FSIP1: variants seen among roughly 807,000 people sequenced by gnomAD.
The protein encoded by FSIP1 is fibrous sheath-interacting protein 1.
A neutral mutation model predicts 60.9 loss-of-function variants in FSIP1; 65 were observed. The ratio of observed to expected loss-of-function variants is 1.07; its 90% confidence interval spans 0.87 to 1.31. The LOEUF (loss-of-function observed/expected upper bound fraction) is 1.31. Ranked by LOEUF, FSIP1 falls within the 40% of genes most tolerant of loss-of-function variation. The pLI is 0.00. For synonymous variants in FSIP1, 209 were observed against 221.2 expected (o/e 0.94, Z 0.49); for missense variants, 675 against 665.5 (o/e 1.01, Z -0.16).
At chr15:39,713,637 T>C in intron 9 of FSIP1, 56 bp from the exon 10 acceptor site, 2 of 1,520,106 alleles carry the variant, frequency 1.3e-6, no homozygotes, top group Non-Finnish European at 1.8e-6. Flanking sequence ...TGCTGTCACA[T>C]ACCACCTCAA....
At chr15:39,745,106 C>A (rs1379953741) in intron 5 of FSIP1, among the ~76,000 whole-genome samples, 2 of 135,940 alleles carry the variant, frequency 1.5e-5, no homozygotes, top group Admixed American at 1.5e-4. Context: ...GCCCCCCACC[C>A]CGCCATCCCC....
At chr15:39,724,446 G>T (rs1242489542) in intron 9 of FSIP1, among the ~76,000 whole-genome samples, 1 of 151,942 alleles carries the variant, frequency 6.6e-6, no homozygotes, top group Non-Finnish European at 1.5e-5. Context: ...TAGAGACAGG[G>T]TTGCACCGTG....
chr15:39,620,885 C>A (rs28377486), intron 10 of FSIP1, among the ~76,000 whole-genome samples: 1 of 150,876 alleles, frequency 6.6e-6, no homozygotes, highest in Non-Finnish European at 1.5e-5. Context: ...AGATTACAGG[C>A]GTGAGCCACC....
At chr15:39,634,055 T>C (rs1297137300) in intron 10 of FSIP1, among the ~76,000 whole-genome samples, 1 of 152,160 alleles carries the variant, frequency 6.6e-6, no homozygotes, top group Non-Finnish European at 1.5e-5. Flanking sequence ...CTCCCTGTGC[T>C]CCTCTTGATG....
intron 7 of FSIP1, 56 bp from the exon 8 acceptor site, chr15:39,738,257 A>G (rs896597581): frequency 5.6e-5 from 25 of 444,086 alleles, no homozygotes; most frequent in Admixed American, 1.5e-4. Context: ...ACAGTTCAGG[A>G]AAAAAAAAAT....
Position 39,726,713 on chromosome 15 carries a change from C to A in FSIP1, c.926G>T (p.Gly309Val). 1 of 1,614,060 alleles carries A rather than the reference C, an allele frequency of 6.2e-7. No homozygotes were observed. Among genetic ancestry groups the A allele is most frequent in the Non-Finnish European group, 8.5e-7 (1 of 1,180,004 alleles). ...DQSGWVVPVK[G>V]YELAVTQHQQ... ...ATGCTGGGTGACTGCAAGTTCATAT[C>A]CTTTTACTGGGACCACCCAGCCAGA... The change falls in exon 9 of 12, where the codon GGA becomes GTA. Residue 309 changes from glycine (G) to valine (V), a missense_variant. Transcript: ENST00000350221.
chr15:39,603,573 A>G (rs1039867799), intron 11 of FSIP1, among the ~76,000 whole-genome samples: 1 of 152,242 alleles, frequency 6.6e-6, no homozygotes, highest in Non-Finnish European at 1.5e-5. Flanking sequence ...TGTGTCTCCA[A>G]ACAAAATATT....
intron 10 of FSIP1, among the ~76,000 whole-genome samples, chr15:39,695,032 A>T (rs1158024058): frequency 5.3e-5 from 8 of 152,142 alleles, no homozygotes; most frequent in Non-Finnish European, 1.2e-4. Context: ...CAGCAAACGG[A>T]ATCATAGAAC....
chr15:39,714,678 G>A (rs989522522), intron 9 of FSIP1, among the ~76,000 whole-genome samples: 6 of 151,404 alleles, frequency 4.0e-5, no homozygotes, highest in African/African-American at 1.5e-4. Context: ...GATTCAAAAG[G>A]GAAGGACAGG....
chr15:39,624,397 T>A (rs1017177059), intron 10 of FSIP1, among the ~76,000 whole-genome samples: 16 of 152,152 alleles, frequency 1.1e-4, no homozygotes, highest in African/African-American at 3.6e-4. Flanking sequence ...GTAGAACTAG[T>A]TGTCAGAAAA....
intron 10 of FSIP1, among the ~76,000 whole-genome samples, chr15:39,679,787 A>C (rs1894085496): frequency 6.6e-6 from 1 of 152,224 alleles, no homozygotes; most frequent in African/African-American, 2.4e-5. Context: ...ACATTATCAC[A>C]AACAACGTCA....
intron 10 of FSIP1, among the ~76,000 whole-genome samples, chr15:39,670,946 C>T (rs1893694985): frequency 6.6e-6 from 1 of 152,152 alleles, no homozygotes; most frequent in Non-Finnish European, 1.5e-5. Context: ...CACATATATA[C>T]CACTCAGGCC....
At position 39,776,580 on chromosome 15, in the gene FSIP1, A is replaced by G. The variant is rs1358638307; in HGVS notation, c.-7-49T>C. On this transcript the variant is annotated intron_variant, in intron 1 of 11. Transcript: ENST00000350221. ...AATACCAAGCGACTCGGATATTTAA[A>G]TCTTTCATTAGTTAGTATTAATATC... The G allele has an allele frequency of 4.8e-6, 7 of 1,463,302 alleles. No individual in the cohort carries two copies. The Admixed American group carries it at 1.4e-4, about 28-fold the overall frequency. 90.6% of individuals were successfully genotyped at this position (1,463,302 alleles called of 1,614,324 possible).
chr15:39,757,104 C>A (rs1387391659), intron 5 of FSIP1, among the ~76,000 whole-genome samples: 1 of 151,970 alleles, frequency 6.6e-6, no homozygotes, highest in East Asian at 1.9e-4. Flanking sequence ...TGAAACTGTG[C>A]TGGCAACAAA....
At chr15:39,753,669 T>G (rs1897227400) in intron 5 of FSIP1, among the ~76,000 whole-genome samples, 1 of 152,010 alleles carries the variant, frequency 6.6e-6, no homozygotes, top group African/African-American at 2.4e-5. Flanking sequence ...TTCAATAAAT[T>G]TCAACACTAA....
In FSIP1 at chr15:39,600,828, T is replaced by A. The variant is rs539679056; in HGVS notation, c.*52A>T. 2.8e-6 allele frequency: 4 copies of A among 1,421,242 alleles called. No individual in the cohort carries two copies. Among genetic ancestry groups the A allele is most frequent in the Non-Finnish European group, 3.9e-6 (4 of 1,024,026 alleles). The allele number at this position is 1,421,242 out of a possible 1,614,324, so 88.0% of individuals were successfully genotyped here. A position where few individuals can be genotyped will look rare whatever the true frequency, so the allele number is the denominator to read the frequency against. ...AATTCAAATAATTCAATAAGAAATT[T>A]AATTTAACTTCATTACCAACTTTCT... On this transcript the variant is annotated 3_prime_UTR_variant, in exon 12 of 12. Coordinates refer to ENST00000350221, the MANE Select transcript of FSIP1 (RefSeq NM_152597.5).
chr15:39,707,556 G>A (rs111523405), intron 10 of FSIP1, among the ~76,000 whole-genome samples: 2 of 151,924 alleles, frequency 1.3e-5, no homozygotes, highest in Non-Finnish European at 1.5e-5. Flanking sequence ...CCCTCCATAC[G>A]ATGTCCTTCC....
chr15:39,776,367 AGGAGTTTAAATC>A lies in FSIP1; in HGVS notation c.126+20_126+31del. 1 of 1,599,774 alleles carries A rather than the reference AGGAGTTTAAATC, an allele frequency of 6.3e-7. No individual in the cohort carries two copies. The highest frequency in any genetic ancestry group is 8.5e-7 in the Non-Finnish European group (1 of 1,173,276). On this transcript the variant is annotated intron_variant, in intron 2 of 11. Transcript: ENST00000350221. The stretch of plus-strand genomic sequence containing the variant: ...CATCAACTGCTGAGAGGTTGGGGAA[AGGAGTTTAAATC>A]TTTTCTAAACGTAAATTACCTTGAA...
chr15:39,648,158 T>G (rs541535326), intron 10 of FSIP1, among the ~76,000 whole-genome samples: 32 of 81,200 alleles, frequency 3.9e-4, no homozygotes, highest in African/African-American at 1.5e-3. Flanking sequence ...CCCTAAAACT[T>G]AAAGTATAAT....
Sources: allele counts gnomAD v4.1 joint callset (sites outside exome capture counted in the v4.1 genomes callset), GRCh38; gene constraint gnomAD v4.1.1; transcripts MANE v1.5; gene names NCBI Gene and HGNC (gene_info 2026-07-23, HGNC 2026-07-21).